MARCHF8: variants seen among roughly 807,000 people sequenced by gnomAD.
The protein encoded by MARCHF8 is E3 ubiquitin-protein ligase MARCHF8.
MARCHF8 carries 40 observed loss-of-function variants against 51.6 expected under a neutral mutation model. The observed-to-expected ratio is 0.77, with a 90% CI of 0.60 to 1.01. The LOEUF is 1.01. Among genes scored for constraint, MARCHF8 ranks in the 50% least tolerant of loss-of-function variants. MARCHF8 has a pLI of 0.00. For synonymous variants in MARCHF8, 263 were observed against 280.3 expected (o/e 0.94, Z 0.62); for missense variants, 685 against 708.6 (o/e 0.97, Z 0.38).
intron 1 of MARCHF8, among the ~76,000 whole-genome samples, chr10:45,544,258 A>T (rs1316809986): frequency 6.6e-6 from 1 of 152,244 alleles, no homozygotes; most frequent in Non-Finnish European, 1.5e-5. Context: ...TAGATCTCTC[A>T]TGTATTGCTG....
chr10:45,584,026 A>G (rs1160811758), intron 1 of MARCHF8, among the ~76,000 whole-genome samples: 1 of 146,946 alleles, frequency 6.8e-6, no homozygotes, highest in Non-Finnish European at 1.5e-5. Flanking sequence ...AAAAAAAAAA[A>G]AGGAGGAAAG....
intron 2 of MARCHF8, among the ~76,000 whole-genome samples, chr10:45,511,973 G>A (rs930583464): frequency 2.6e-5 from 4 of 151,196 alleles, no homozygotes; most frequent in Non-Finnish European, 3.0e-5. Flanking sequence ...GAGCGTCTCT[G>A]CCCGGCCGCC....
chr10:45,582,410 T>C (rs1000854219), intron 1 of MARCHF8, among the ~76,000 whole-genome samples: 1 of 152,186 alleles, frequency 6.6e-6, no homozygotes, highest in Admixed American at 6.5e-5. Context: ...CATCCAAGCC[T>C]TTTTCTTCTC....
chr10:45,557,920 A>T (rs917681171), intron 1 of MARCHF8, among the ~76,000 whole-genome samples: 1 of 152,232 alleles, frequency 6.6e-6, no homozygotes, highest in Non-Finnish European at 1.5e-5. Context: ...TTAGTTAAAT[A>T]TGCTTATGCA....
At chr10:45,526,715 GA>G (rs933473213) in intron 2 of MARCHF8, among the ~76,000 whole-genome samples, 8 of 140,458 alleles carry the variant, frequency 5.7e-5, no homozygotes, top group East Asian at 2.1e-4. Flanking sequence ...CACTGAGACA[GA>G]AAAAAAAAGA....
intron 1 of MARCHF8, among the ~76,000 whole-genome samples, chr10:45,587,352 A>T (rs1327169221): frequency 6.6e-6 from 1 of 152,190 alleles, no homozygotes; most frequent in African/African-American, 2.4e-5. Context: ...AAAATGTAAG[A>T]TATTAAGATA....
intron 1 of MARCHF8, among the ~76,000 whole-genome samples, chr10:45,585,174 AACT>A (rs1322469506): frequency 6.6e-6 from 1 of 152,166 alleles, no homozygotes; most frequent in African/African-American, 2.4e-5. Context: ...AGCAACAGAA[AACT>A]ACTACTTCTA....
At chr10:45,521,222 C>CA (rs2043700080) in intron 2 of MARCHF8, among the ~76,000 whole-genome samples, 1 of 152,192 alleles carries the variant, frequency 6.6e-6, no homozygotes, top group Admixed American at 6.5e-5. Flanking sequence ...CAAATACCTT[C>CA]ATTTTGAAGC....
At chr10:45,555,298 C>T (rs2044239599) in intron 1 of MARCHF8, among the ~76,000 whole-genome samples, 1 of 151,638 alleles carries the variant, frequency 6.6e-6, no homozygotes, top group Non-Finnish European at 1.5e-5. Flanking sequence ...TGGTTTGTGC[C>T]TTATAGTCCC....
Position 45,457,230 on chromosome 10 carries a change from A to C in MARCHF8, c.*1009T>G, listed in dbSNP as rs1303900471. ...TTTAACTATAAAGGAATATTTTTTA[A>C]ATATTCAGTTTTGTTGTCATTACTC... On this transcript the variant is annotated 3_prime_UTR_variant, in exon 8 of 8. Transcript: ENST00000453424. 6.6e-6 allele frequency: 1 copy of C among 152,188 alleles called. No homozygotes were observed. The highest frequency in any genetic ancestry group is 2.4e-5 in the African/African-American group (1 of 41,446). The allele number at this position is 152,188 out of a possible 1,614,324, so 9.4% of individuals were successfully genotyped here. A position where few individuals can be genotyped will look rare whatever the true frequency, so the allele number is the denominator to read the frequency against.
intron 1 of MARCHF8, among the ~76,000 whole-genome samples, chr10:45,549,409 G>A (rs76879426): frequency 0.035 from 5,363 of 152,268 alleles, 140 homozygotes; most frequent in East Asian, 0.052. Context: ...AGGCTGCTTC[G>A]CTGGGCTCAG....
chr10:45,574,131 C>T (rs552348472), intron 1 of MARCHF8, among the ~76,000 whole-genome samples: 7 of 152,156 alleles, frequency 4.6e-5, no homozygotes, highest in African/African-American at 1.4e-4. Context: ...CCTTGGCAAC[C>T]GATCATGCAC....
intron 2 of MARCHF8, among the ~76,000 whole-genome samples, chr10:45,501,557 G>T (rs2043279844): frequency 6.6e-6 from 1 of 152,068 alleles, no homozygotes; most frequent in African/African-American, 2.4e-5. Context: ...TAAAAAATAG[G>T]AGAAAATCTT....
At chr10:45,523,518 T>C (rs2043743308) in intron 2 of MARCHF8, among the ~76,000 whole-genome samples, 1 of 152,216 alleles carries the variant, frequency 6.6e-6, no homozygotes, top group Non-Finnish European at 1.5e-5. Context: ...AGACCCAATC[T>C]CTAAACTAAA....
At chr10:45,537,029 A>C (rs2043982386), upstream of MARCHF8, among the ~76,000 whole-genome samples, 1 of 152,120 alleles carries the variant, frequency 6.6e-6, no homozygotes, top group South Asian at 2.1e-4. Flanking sequence ...TGAAACCCTC[A>C]TATACTGCTA....
intron 1 of MARCHF8, among the ~76,000 whole-genome samples, chr10:45,551,828 T>C (rs141225937): frequency 0.014 from 2,054 of 151,478 alleles, 22 homozygotes; most frequent in Middle Eastern, 0.017. Context: ...TCTATATATA[T>C]AGGTATATCT....
chr10:45,520,199 A>G (rs1320262868), intron 2 of MARCHF8, among the ~76,000 whole-genome samples: 1 of 152,248 alleles, frequency 6.6e-6, no homozygotes, highest in African/African-American at 2.4e-5. Flanking sequence ...AACATATGGA[A>G]AGTCCTTGGG....
intron 1 of MARCHF8, among the ~76,000 whole-genome samples, chr10:45,542,345 CAAAAAAAAA>C (rs60776762): frequency 6.1e-5 from 3 of 48,990 alleles, no homozygotes; most frequent in African/African-American, 1.4e-4. Flanking sequence ...GACTTCGTCT[CAAAAAAAAA>C]AAAAAAAAAA....
chr10:45,556,099 T>C (rs1312791857), intron 1 of MARCHF8, among the ~76,000 whole-genome samples: 3 of 152,230 alleles, frequency 2.0e-5, no homozygotes, highest in Non-Finnish European at 4.4e-5. Context: ...GCAAAATTCA[T>C]ATATAATAGT....
Sources: gnomAD v4.1 joint callset for allele counts (sites outside exome capture counted in the v4.1 genomes callset) on GRCh38, gnomAD v4.1.1 for gene constraint, MANE v1.5 for transcripts, NCBI Gene and HGNC (gene_info 2026-07-23, HGNC 2026-07-21) for gene names.